BIRC5: variants seen among roughly 807,000 people sequenced by gnomAD.
BIRC5 encodes baculoviral IAP repeat-containing protein 5.
In BIRC5, 8 loss-of-function variants were observed where a neutral mutation model predicts 15.8. The observed-to-expected ratio is 0.51, with a 90% CI of 0.30 to 0.91. The LOEUF (loss-of-function observed/expected upper bound fraction) is 0.91. BIRC5 is among the 40% of genes least tolerant of loss of function. The pLI, the probability that BIRC5 is intolerant of heterozygous loss-of-function variation, is 0.07. For synonymous variants in BIRC5, 56 were observed against 64.5 expected (o/e 0.87, Z 0.63); for missense variants, 163 against 178.6 (o/e 0.91, Z 0.50).
At chr17:78,219,531 C>T (rs960938025) in intron 3 of BIRC5, among the ~76,000 whole-genome samples, 2 of 152,084 alleles carry the variant, frequency 1.3e-5, no homozygotes, top group Non-Finnish European at 2.9e-5. Context: ...TGTGTTTTGT[C>T]AGGAAGAGGC....
At chr17:78,214,913 T>C in intron 2 of BIRC5, 124 bp downstream of exon 2, 2 of 877,290 alleles carry the variant, frequency 2.3e-6, no homozygotes, top group Non-Finnish European at 3.6e-6. Context: ...TAAACAGCTG[T>C]TGTGAACGGA....
intron 3 of BIRC5, among the ~76,000 whole-genome samples, chr17:78,218,515 C>T (rs2076495593): frequency 6.6e-6 from 1 of 151,218 alleles, no homozygotes; most frequent in Non-Finnish European, 1.5e-5. Flanking sequence ...TGGTCTCAAA[C>T]TCCTGACCTT....
Position 78,223,784 on chromosome 17 carries a change from C to T in BIRC5, c.*230C>T. ...GGTAACAGTGGCTGCTTCTCTCTCT[C>T]TCTCTCTTTTTTGGGGGCTCATTTT... On this transcript the variant is annotated 3_prime_UTR_variant, in exon 4 of 4. Coordinates refer to ENST00000350051, the MANE Select transcript of BIRC5 (RefSeq NM_001168.3). The T allele has an allele frequency of 1.1e-6, 1 of 950,142 alleles. No individual in the cohort carries two copies. Among genetic ancestry groups the T allele is most frequent in the Non-Finnish European group, 1.5e-6 (1 of 684,664 alleles). 58.9% of individuals were successfully genotyped at this position (950,142 alleles called of 1,614,324 possible). A position where few individuals can be genotyped will look rare whatever the true frequency, so the allele number is the denominator to read the frequency against.
At chr17:78,216,832 C>G (rs1567863845) in intron 3 of BIRC5, 51 bp downstream of exon 3, 1 of 1,368,516 alleles carries the variant, frequency 7.3e-7, no homozygotes, top group East Asian at 2.3e-5. Flanking sequence ...GTCTTTAGCA[C>G]TAAACTACCT....
intron 3 of BIRC5, among the ~76,000 whole-genome samples, chr17:78,221,490 G>A (rs1372206035): frequency 6.6e-6 from 1 of 151,406 alleles, no homozygotes; most frequent in African/African-American, 2.4e-5. Flanking sequence ...GCAGTGGCGT[G>A]ATCTCGGCTG....
intron 3 of BIRC5, among the ~76,000 whole-genome samples, chr17:78,222,248 A>C (rs140145190): frequency 1.3e-5 from 2 of 150,396 alleles, no homozygotes; most frequent in African/African-American, 4.8e-5. Flanking sequence ...TTTTCTTATC[A>C]ATTTATTATT....
intron 3 of BIRC5, among the ~76,000 whole-genome samples, chr17:78,219,264 G>A (rs1447135269): frequency 1.3e-5 from 2 of 152,052 alleles, no homozygotes; most frequent in Non-Finnish European, 2.9e-5. Context: ...GGCTCACTGC[G>A]ACCTCCACCT....
In BIRC5 at chr17:78,223,570, C is replaced by G. The variant is rs1217843298; in HGVS notation, c.*16C>G. ...CATGGATTGAGGCCTCTGGCCGGAG[C>G]TGCCTGGTCCCAGAGTGGCTGCACC... On this transcript the variant is annotated 3_prime_UTR_variant, in exon 4 of 4. Transcript: ENST00000350051. 6.2e-7 allele frequency: 1 copy of G among 1,613,694 alleles called. No homozygotes were observed. Among genetic ancestry groups the G allele is most frequent in the Admixed American group, 1.7e-5 (1 of 59,970 alleles).
chr17:78,223,778 C>G lies in BIRC5; in HGVS notation c.*224C>G, dbSNP rs1181381107. ...GCTGCTGGTAACAGTGGCTGCTTCTCTCTCTCTCTCTCTTTTTTGGGGGCT... is the reference window on the plus strand; with the variant it reads ...GCTGCTGGTAACAGTGGCTGCTTCTGTCTCTCTCTCTCTTTTTTGGGGGCT... On this transcript the variant is annotated 3_prime_UTR_variant, in exon 4 of 4. Coordinates refer to ENST00000350051, the MANE Select transcript of BIRC5 (RefSeq NM_001168.3). The G allele has an allele frequency of 1.1e-6, 1 of 877,416 alleles. No individual in the cohort carries two copies. Among genetic ancestry groups the G allele is most frequent in the Non-Finnish European group, 1.6e-6 (1 of 631,714 alleles). The allele number at this position is 877,416 out of a possible 1,614,324, so 54.4% of individuals were successfully genotyped here.
intron 3 of BIRC5, among the ~76,000 whole-genome samples, chr17:78,221,167 A>G (rs541047814): frequency 1.8e-3 from 271 of 152,376 alleles, no homozygotes; most frequent in African/African-American, 5.4e-3. Flanking sequence ...TTAGTTCTTC[A>G]TAAGAGTTTA....
chr17:78,224,686 C>A lies in BIRC5; in HGVS notation c.*1132C>A, dbSNP rs2076538441. 1.3e-5 allele frequency: 2 copies of A among 152,176 alleles called. No homozygotes were observed. 9.4% of individuals were successfully genotyped at this position (152,176 alleles called of 1,614,324 possible). On this transcript the variant is annotated 3_prime_UTR_variant, in exon 4 of 4. Coordinates refer to ENST00000350051, the MANE Select transcript of BIRC5 (RefSeq NM_001168.3). ...TCGGCTGTTCCTGAGAAATAAAAAG[C>A]CTGTCATTTCAAACACTGCTGTGGA... is the stretch of plus-strand genomic sequence containing the variant.
rs2145903091 is a variant in BIRC5 at position 78,224,687 on chromosome 17, C to T, written c.*1133C>T. On this transcript the variant is annotated 3_prime_UTR_variant, in exon 4 of 4. Coordinates refer to ENST00000350051, the MANE Select transcript of BIRC5 (RefSeq NM_001168.3). The stretch of plus-strand genomic sequence containing the variant: ...CGGCTGTTCCTGAGAAATAAAAAGC[C>T]TGTCATTTCAAACACTGCTGTGGAC... 1 of 152,354 alleles carries T rather than the reference C, an allele frequency of 6.6e-6. No homozygotes were observed. Among genetic ancestry groups the T allele is most frequent in the South Asian group, 2.1e-4 (1 of 4,820 alleles). The allele number at this position is 152,354 out of a possible 1,614,324, so 9.4% of individuals were successfully genotyped here. A position where few individuals can be genotyped will look rare whatever the true frequency, so the allele number is the denominator to read the frequency against.
chr17:78,218,908 G>A (rs2076498593), intron 3 of BIRC5, among the ~76,000 whole-genome samples: 1 of 151,944 alleles, frequency 6.6e-6, no homozygotes, highest in South Asian at 2.1e-4. Flanking sequence ...CACCAGGCCT[G>A]GGCGTCATAT....
chr17:78,222,379 A>G (rs1331834055), intron 3 of BIRC5, among the ~76,000 whole-genome samples: 1 of 151,784 alleles, frequency 6.6e-6, no homozygotes, highest in Non-Finnish European at 1.5e-5. Flanking sequence ...TTGAAAAGTA[A>G]TTTTTTGGCT....
At chr17:78,220,973 T>TG (rs1272328785) in intron 3 of BIRC5, among the ~76,000 whole-genome samples, 4 of 152,212 alleles carry the variant, frequency 2.6e-5, no homozygotes, top group Non-Finnish European at 5.9e-5. Context: ...TCTGCTGCCT[T>TG]GCCAGGGTGC....
intron 3 of BIRC5, among the ~76,000 whole-genome samples, chr17:78,218,715 G>A (rs1239097485): frequency 1.3e-5 from 2 of 151,026 alleles, no homozygotes; most frequent in Non-Finnish European, 2.9e-5. Context: ...CCATTCTTCT[G>A]CCTCAGCCTC....
intron 3 of BIRC5, chr17:78,223,045 A>T: frequency 1.7e-6 from 1 of 587,174 alleles, no homozygotes; most frequent in Non-Finnish European, 2.2e-6. Flanking sequence ...GGGTGCCTAG[A>T]CTAGCTGGGG....
chr17:78,219,631 A>T (rs2145897867), intron 3 of BIRC5, among the ~76,000 whole-genome samples: 1 of 152,244 alleles, frequency 6.6e-6, no homozygotes, highest in Non-Finnish European at 1.5e-5. Flanking sequence ...TGGGCTGGGG[A>T]TCATCTTTTT....
rs17878933 is a variant in BIRC5, at chr17:78,219,567, G to C, written c.339+2786G>C. On this transcript the variant is annotated intron_variant, in intron 3 of 3. Coordinates refer to ENST00000350051, the MANE Select transcript of BIRC5 (RefSeq NM_001168.3). ...CAGTTGTGGGTGAAGCATGCTGTGA[G>C]AGAGCTTGTCACCTGGTTGAGGTTG... 7.9e-3 allele frequency among the ~76,000 whole-genome samples: 1,209 copies of C among 152,296 alleles called. 22 individuals carry two copies. Among genetic ancestry groups the C allele is most frequent in the African/African-American group, 0.028 (1,150 of 41,572 alleles).
Sources: allele counts gnomAD v4.1 joint callset (sites outside exome capture counted in the v4.1 genomes callset), GRCh38; gene constraint gnomAD v4.1.1; transcripts MANE v1.5; gene names NCBI Gene and HGNC (gene_info 2026-07-23, HGNC 2026-07-21).